C12orf56: variants seen among roughly 807,000 people sequenced by gnomAD.
C12orf56 encodes the protein uncharacterized protein C12orf56.
A neutral mutation model predicts 69.9 loss-of-function variants in C12orf56; 71 were observed. The observed-to-expected ratio is 1.02, with a 90% CI of 0.84 to 1.24. C12orf56 has a LOEUF of 1.24. Among genes scored for constraint, C12orf56 ranks in the 50% most tolerant of loss-of-function variants. The pLI is 0.00. For synonymous variants in C12orf56, 276 were observed against 274.1 expected (o/e 1.01, Z -0.07); for missense variants, 732 against 738.5 (o/e 0.99, Z 0.10).
intron 1 of C12orf56, among the ~76,000 whole-genome samples, chr12:64,371,284 G>A (rs1043368902): frequency 1.3e-5 from 2 of 151,842 alleles, no homozygotes; most frequent in Admixed American, 6.6e-5. Context: ...GCACACACAC[G>A]TAATCCTAGC....
At chr12:64,342,593 G>A (rs1056722117) in intron 2 of C12orf56, among the ~76,000 whole-genome samples, 7 of 152,252 alleles carry the variant, frequency 4.6e-5, no homozygotes, top group East Asian at 3.9e-4. Flanking sequence ...GCTTGAGCCC[G>A]TTCACATATA....
chr12:64,278,260 G>A (rs2038080556), intron 8 of C12orf56, among the ~76,000 whole-genome samples: 1 of 152,134 alleles, frequency 6.6e-6, no homozygotes, highest in African/African-American at 2.4e-5. Flanking sequence ...ATGCTAATAT[G>A]CACAGTGTAT....
intron 8 of C12orf56, among the ~76,000 whole-genome samples, chr12:64,280,839 C>T (rs1204929810): frequency 6.6e-6 from 1 of 152,206 alleles, no homozygotes; most frequent in Non-Finnish European, 1.5e-5. Context: ...AACACCTCAA[C>T]TGAAACCTCG....
chr12:64,363,311 C>A (rs954884987), intron 1 of C12orf56, among the ~76,000 whole-genome samples: 7 of 152,110 alleles, frequency 4.6e-5, no homozygotes, highest in African/African-American at 1.7e-4. Flanking sequence ...CATGCTAGCT[C>A]CCTAGCCAGG....
At chr12:64,273,722 G>C (rs1349766489) in intron 11 of C12orf56, among the ~76,000 whole-genome samples, 2 of 152,210 alleles carry the variant, frequency 1.3e-5, no homozygotes, top group African/African-American at 4.8e-5. Context: ...GCCATCTGCA[G>C]GCAGGGCAGC....
chr12:64,299,616 A>G (rs747027404), intron 6 of C12orf56, among the ~76,000 whole-genome samples: 99 of 152,210 alleles, frequency 6.5e-4, no homozygotes, highest in Non-Finnish European at 1.2e-3. Flanking sequence ...GAGGGAGAAT[A>G]CAAAGATAAG....
intron 2 of C12orf56, among the ~76,000 whole-genome samples, chr12:64,337,859 A>C (rs1280325047): frequency 6.6e-6 from 1 of 151,760 alleles, no homozygotes; most frequent in African/African-American, 2.4e-5. Context: ...TCTGTCAAAA[A>C]AAAAAAAAAA....
In C12orf56 at chr12:64,285,941, A is replaced by C; in HGVS notation, c.1220+13T>G. On this transcript the variant is annotated intron_variant, in intron 7 of 12. Transcript: ENST00000543942. ...AAAAAAAAAAAATCGATGATTATCTAGTTAGTACTTACACCAGCTCATCAA... is the reference window on the plus strand; with the variant it reads ...AAAAAAAAAAAATCGATGATTATCTCGTTAGTACTTACACCAGCTCATCAA... 6.6e-7 allele frequency: 1 copy of C among 1,522,006 alleles called. No homozygotes were observed. The highest frequency in any genetic ancestry group is 1.4e-5 in the African/African-American group (1 of 71,538). 94.3% of individuals were successfully genotyped at this position (1,522,006 alleles called of 1,614,324 possible).
chr12:64,332,764 C>G (rs1227634608), intron 2 of C12orf56, among the ~76,000 whole-genome samples: 1 of 152,180 alleles, frequency 6.6e-6, no homozygotes, highest in Non-Finnish European at 1.5e-5. Flanking sequence ...GACATTTGTT[C>G]TTGAGAGACA....
intron 4 of C12orf56, among the ~76,000 whole-genome samples, chr12:64,315,305 CGT>C (rs1491245797): frequency 1.2e-4 from 9 of 77,548 alleles, no homozygotes; most frequent in South Asian, 5.4e-4. Context: ...CATTGTTCTA[CGT>C]TTTTTTTTTT....
intron 1 of C12orf56, among the ~76,000 whole-genome samples, chr12:64,374,293 C>A (rs2039611850): frequency 6.6e-6 from 1 of 152,140 alleles, no homozygotes; most frequent in Non-Finnish European, 1.5e-5. Context: ...CTTTCAAATC[C>A]TGGCCCTAGG....
Position 64,267,139 on chromosome 12 carries a change from T to C in C12orf56, c.*44A>G, listed in dbSNP as rs1463253084. The C allele has an allele frequency of 2.2e-6, 3 of 1,376,028 alleles. No individual in the cohort carries two copies. The South Asian group carries it at 4.1e-5, about 19-fold the overall frequency. 85.2% of individuals were successfully genotyped at this position (1,376,028 alleles called of 1,614,324 possible). A position where few individuals can be genotyped will look rare whatever the true frequency, so the allele number is the denominator to read the frequency against. On this transcript the variant is annotated 3_prime_UTR_variant, in exon 13 of 13. Transcript: ENST00000543942. ...TCGTGAATATCAAGTTGACTCTTGA[T>C]TAACATTTTATACTCTTATTAACAT...
chr12:64,386,274 C>T (rs369077047), intron 1 of C12orf56, among the ~76,000 whole-genome samples: 52 of 151,896 alleles, frequency 3.4e-4, no homozygotes, highest in East Asian at 1.6e-3. Context: ...AGTGCAATGG[C>T]GCAATCTTGG....
intron 2 of C12orf56, among the ~76,000 whole-genome samples, chr12:64,348,412 G>C (rs59452159): frequency 0.29 from 43,374 of 152,120 alleles, 6,445 homozygotes; most frequent in Admixed American, 0.37. Flanking sequence ...AAAGGTTTTT[G>C]CTTTTTAAAA....
At chr12:64,280,027 TAAC>T (rs1386589460) in intron 8 of C12orf56, among the ~76,000 whole-genome samples, 1 of 152,112 alleles carries the variant, frequency 6.6e-6, no homozygotes, top group Non-Finnish European at 1.5e-5. Flanking sequence ...AATTCAACCC[TAAC>T]AATACTAGGA....
chr12:64,390,240 G>A lies in C12orf56; in HGVS notation c.252+74C>T, dbSNP rs557665296. On this transcript the variant is annotated intron_variant, in intron 1 of 12. Coordinates refer to ENST00000543942, the MANE Select transcript of C12orf56 (RefSeq NM_001170633.2). ...ATGGGGCAGCCCTCCCCGCGCAGGA[G>A]GGCTGGGTTTGGGGGCCCCAGCCGG... 8.3e-5 allele frequency: 124 copies of A among 1,491,280 alleles called. No individual in the cohort carries two copies. The Middle Eastern group carries it at 8.9e-4, about 11-fold the overall frequency. 92.4% of individuals were successfully genotyped at this position (1,491,280 alleles called of 1,614,324 possible). A position where few individuals can be genotyped will look rare whatever the true frequency, so the allele number is the denominator to read the frequency against.
At chr12:64,327,301 A>G (rs776285966) in intron 3 of C12orf56, among the ~76,000 whole-genome samples, 1 of 152,228 alleles carries the variant, frequency 6.6e-6, no homozygotes, top group African/African-American at 2.4e-5. Flanking sequence ...AGGGAGAAAG[A>G]GCACAGAATG....
At chr12:64,389,403 A>G (rs2039837332) in intron 1 of C12orf56, 1 of 152,150 alleles carries the variant, frequency 6.6e-6, no homozygotes, top group Non-Finnish European at 1.5e-5. Context: ...CCCTGCGCCC[A>G]GTTTGGATCA....
chr12:64,350,502 T>G (rs941612011), intron 2 of C12orf56, among the ~76,000 whole-genome samples: 13 of 152,174 alleles, frequency 8.5e-5, no homozygotes, highest in African/African-American at 3.1e-4. Flanking sequence ...ATGCTTCCCT[T>G]TAAGGAGTCA....
Sources: gnomAD v4.1 joint callset for allele counts (sites outside exome capture counted in the v4.1 genomes callset) on GRCh38, gnomAD v4.1.1 for gene constraint, MANE v1.5 for transcripts, NCBI Gene and HGNC (gene_info 2026-07-23, HGNC 2026-07-21) for gene names.